Variants in RASA3 observed in about 807,000 individuals in gnomAD.
RASA3 encodes the protein ras GTPase-activating protein 3.
RASA3 carries 73 observed loss-of-function variants against 110.0 expected under a neutral mutation model. The ratio of observed to expected loss-of-function variants is 0.66; its 90% CI spans 0.55 to 0.81. The LOEUF (loss-of-function observed/expected upper bound fraction) is 0.81, where lower values mean the gene tolerates loss of function less well. Ranked by LOEUF, RASA3 falls within the 30% of genes least tolerant of loss-of-function variation. The probability of loss-of-function intolerance (pLI) is 0.00; values close to 1 mark genes in which losing one functional copy is unlikely to be tolerated. For missense variants in RASA3, 976 were observed against 1,113.2 expected (o/e 0.88, Z 1.75); for synonymous variants, 500 against 451.4 (o/e 1.11, Z -1.37).
intron 9 of RASA3, among the ~76,000 whole-genome samples, chr13:114,019,383 G>T (rs1197084144): frequency 6.6e-6 from 1 of 152,252 alleles, no homozygotes; most frequent in East Asian, 1.9e-4. Flanking sequence ...GACGTTTTCT[G>T]CCCGGACATT....
chr13:114,049,478 C>T (rs993617189), intron 3 of RASA3, among the ~76,000 whole-genome samples: 1 of 152,170 alleles, frequency 6.6e-6, no homozygotes, highest in South Asian at 2.1e-4. Flanking sequence ...GCATATAACT[C>T]CAGAACTAAC....
chr13:114,021,531 C>G, intron 8 of RASA3, 23 bp from the exon 9 acceptor site: 1 of 1,603,882 alleles, frequency 6.2e-7, no homozygotes, highest in Non-Finnish European at 8.5e-7. Flanking sequence ...ATCAGGACAG[C>G]TCTAGCTGAC....
chr13:114,099,958 T>G (rs1463856828), intron 1 of RASA3, among the ~76,000 whole-genome samples: 1 of 27,306 alleles, frequency 3.7e-5, no homozygotes, highest in Non-Finnish European at 7.2e-5. Context: ...AGCCCCCACA[T>G]GCTCCACTCG....
chr13:114,031,810 C>T (rs2054175170), intron 4 of RASA3, among the ~76,000 whole-genome samples: 1 of 152,200 alleles, frequency 6.6e-6, no homozygotes, highest in South Asian at 2.1e-4. Context: ...AAGGCGTGTT[C>T]CCCAGGGCTT....
intron 1 of RASA3, among the ~76,000 whole-genome samples, chr13:114,101,726 T>C (rs942714995): frequency 4.6e-5 from 7 of 152,180 alleles, no homozygotes; most frequent in African/African-American, 1.7e-4. Flanking sequence ...AGTGTCTAAG[T>C]GTCTCCCTTA....
rs1348668374 is a variant in RASA3, at chr13:114,118,593, C to T, written c.55+13842G>A. On this transcript the variant is annotated intron_variant, in intron 1 of 23. Coordinates refer to ENST00000334062, the MANE Select transcript of RASA3 (RefSeq NM_007368.4). ...TTTCTGATTAGATGCATAGAAATGT[C>T]CCAAATATTTCTGAAATATTTTATT... is the stretch of plus-strand genomic sequence containing the variant. 2.0e-5 allele frequency among the ~76,000 whole-genome samples: 3 copies of T among 152,318 alleles called. No individual in the cohort carries two copies. In the East Asian group the frequency reaches 5.8e-4, roughly 29 times the overall value.
chr13:114,055,300 G>A (rs1020490974), intron 2 of RASA3, among the ~76,000 whole-genome samples: 3 of 152,242 alleles, frequency 2.0e-5, no homozygotes, highest in Non-Finnish European at 2.9e-5. Context: ...CCACAGATGC[G>A]CCCCACACAA....
intron 14 of RASA3, 149 bp from the exon 15 acceptor site, chr13:114,013,397 G>GTCTCCCTCTCTCTC (rs746149988): frequency 2.2e-6 from 1 of 455,020 alleles, no homozygotes; most frequent in Non-Finnish European, 3.7e-6. Context: ...CCCTCTCTCT[G>GTCTCCCTCTCTCTC]TTTCCCTCTC....
chr13:114,057,097 G>A lies in RASA3; in HGVS notation c.174-4942C>T, dbSNP rs2079258351. The A allele has an allele frequency of 1.5e-6, 1 of 671,858 alleles. No individual in the cohort carries two copies. Among genetic ancestry groups the A allele is most frequent in the Non-Finnish European group, 1.8e-6 (1 of 544,030 alleles). The allele number at this position is 671,858 out of a possible 1,614,324, so 41.6% of individuals were successfully genotyped here. A position where few individuals can be genotyped will look rare whatever the true frequency, so the allele number is the denominator to read the frequency against. On this transcript the variant is annotated intron_variant, in intron 2 of 23. Coordinates refer to ENST00000334062, the MANE Select transcript of RASA3 (RefSeq NM_007368.4). The surrounding 1 kb of genome is among the most constrained non-coding windows in gnomAD (Gnocchi z 5.0). ...GCTGAGAACCCTGGAGCCAGAACAG[G>A]CTCCAGCACAGGCGATGGGTGAGTG... is the stretch of plus-strand genomic sequence containing the variant.
intron 1 of RASA3, among the ~76,000 whole-genome samples, chr13:114,121,423 G>A (rs977426685): frequency 6.6e-6 from 1 of 152,162 alleles, no homozygotes; most frequent in Non-Finnish European, 1.5e-5. Context: ...CTTCTGCCAC[G>A]GATCTCGGCT....
chr13:114,117,713 G>C lies in RASA3; in HGVS notation c.55+14722C>G, dbSNP rs1473056657. Among the ~76,000 whole-genome samples the C allele has an allele frequency of 1.0e-3, 143 of 138,866 alleles. 5 individuals carry two copies. Among genetic ancestry groups the C allele is most frequent in the Admixed American group, 8.6e-4 (12 of 13,990 alleles). 91.1% of individuals were successfully genotyped at this position (138,866 alleles called of 152,430 possible). ...GCATGTGTGTGAGGGGTGCACGTGT[G>C]TGAGGGATGCATGTGTGTGAGGAGA... On this transcript the variant is annotated intron_variant, in intron 1 of 23. Coordinates refer to ENST00000334062, the MANE Select transcript of RASA3 (RefSeq NM_007368.4).
At position 114,052,198 on chromosome 13, in the gene RASA3, C is replaced by A. The variant is rs557009219; in HGVS notation, c.174-43G>T. 82 of 1,379,456 alleles carry A rather than the reference C, an allele frequency of 5.9e-5. No individual in the cohort carries two copies. The South Asian group carries it at 9.2e-4, about 15-fold the overall frequency. The allele number at this position is 1,379,456 out of a possible 1,614,324, so 85.5% of individuals were successfully genotyped here. On this transcript the variant is annotated intron_variant, in intron 2 of 23. Coordinates refer to ENST00000334062, the MANE Select transcript of RASA3 (RefSeq NM_007368.4). Reference sequence around the variant, plus strand: ...AGCGCCAGTTAGAACACAGGCCACGCTTGCGCCTCACCCCCGGGGCACACA... The same window carrying A: ...AGCGCCAGTTAGAACACAGGCCACGATTGCGCCTCACCCCCGGGGCACACA...
intron 1 of RASA3, 137 bp downstream of exon 1, chr13:114,132,298 G>A (rs1361951241): frequency 3.6e-5 from 34 of 942,400 alleles, no homozygotes; most frequent in Non-Finnish European, 4.6e-5. Context: ...CGGACCAGCC[G>A]TTCTCCGGGG....
intron 4 of RASA3, 25 bp from the exon 5 acceptor site, chr13:114,029,912 CAG>C: frequency 1.3e-6 from 2 of 1,543,478 alleles, no homozygotes; most frequent in East Asian, 2.4e-5. Context: ...GATGGGGTGT[CAG>C]AGGCTGTGGC....
At chr13:114,038,939 C>T (rs1457427992) in intron 4 of RASA3, among the ~76,000 whole-genome samples, 1 of 152,162 alleles carries the variant, frequency 6.6e-6, no homozygotes, top group Non-Finnish European at 1.5e-5. Context: ...GGGATTTGTC[C>T]AGGATGCCAG....
At chr13:113,998,139 G>A (rs1222070431) in intron 20 of RASA3, among the ~76,000 whole-genome samples, 1 of 152,178 alleles carries the variant, frequency 6.6e-6, no homozygotes, top group Non-Finnish European at 1.5e-5. Context: ...CTATGTGAAG[G>A]GCTGGAGGTG....
intron 3 of RASA3, among the ~76,000 whole-genome samples, chr13:114,047,576 C>T (rs371053320): frequency 2.6e-5 from 4 of 152,366 alleles, no homozygotes; most frequent in Non-Finnish European, 2.9e-5. Context: ...GAAACAGAAA[C>T]ATTGTCCACA....
At chr13:114,052,946 TCG>T in intron 2 of RASA3, among the ~76,000 whole-genome samples, 1 of 123,452 alleles carries the variant, frequency 8.1e-6, no homozygotes, top group Non-Finnish European at 1.8e-5. Context: ...CTTAGAGTCC[TCG>T]CTCCTGGGGG....
intron 1 of RASA3, among the ~76,000 whole-genome samples, chr13:114,104,316 G>A (rs1350659344): frequency 8.5e-6 from 1 of 117,166 alleles, no homozygotes. Flanking sequence ...ACCCACCCCC[G>A]ATGCGTCCAC....
Sources: allele counts gnomAD v4.1 joint callset (sites outside exome capture counted in the v4.1 genomes callset), GRCh38; gene constraint gnomAD v4.1.1; non-coding constraint Gnocchi (gnomAD v3.1); transcripts MANE v1.5; gene names NCBI Gene and HGNC (gene_info 2026-07-23, HGNC 2026-07-21).